The following ZNF558 variants were observed in gnomAD, a reference collection of about 807,000 sequenced individuals.
The protein encoded by ZNF558 is zinc finger protein 558.
A neutral mutation model predicts 37.6 loss-of-function variants in ZNF558; 23 were observed. The observed-to-expected ratio is 0.61, with a 90% CI of 0.44 to 0.87. The LOEUF (loss-of-function observed/expected upper bound fraction) is 0.87. Among genes scored for constraint, ZNF558 ranks in the 40% least tolerant of loss-of-function variants. ZNF558 has a pLI of 0.00. For missense variants in ZNF558, 429 were observed against 483.7 expected, an observed-to-expected ratio of 0.89 and a Z score of 1.06; for synonymous variants, 189 against 174.4, an observed-to-expected ratio of 1.08 and a Z score of -0.66.
intron 7 of ZNF558, among the ~76,000 whole-genome samples, chr19:8,815,951 G>A (rs566308335): frequency 1.3e-4 from 20 of 152,130 alleles, no homozygotes; most frequent in African/African-American, 4.8e-4. Flanking sequence ...AAGAAATAAT[G>A]GCTAAAAACT....
At chr19:8,836,889 C>T (rs1215200495), upstream of ZNF558, among the ~76,000 whole-genome samples, 1 of 152,158 alleles carries the variant, frequency 6.6e-6, no homozygotes, top group Non-Finnish European at 1.5e-5. Context: ...GGGCTCATAT[C>T]ATTATTACAT....
At chr19:8,815,029 A>C (rs1317150697) in intron 7 of ZNF558, among the ~76,000 whole-genome samples, 1 of 143,034 alleles carries the variant, frequency 7.0e-6, no homozygotes. Context: ...CTGATTCCCA[A>C]ATTGCTATAT....
Position 8,821,160 on chromosome 19 carries a change from A to G in ZNF558, c.247+20T>C. 1 of 1,610,478 alleles carries G rather than the reference A, an allele frequency of 6.2e-7. No individual in the cohort carries two copies. Among genetic ancestry groups the G allele is most frequent in the Non-Finnish European group, 8.5e-7 (1 of 1,177,466 alleles). On this transcript the variant is annotated intron_variant, in intron 7 of 9. Coordinates refer to ENST00000601372, the MANE Select transcript of ZNF558 (RefSeq NM_144693.3). ...GCCACTGGAGTCATTAAATAAATGC[A>G]GGAATGACATTAGGCTTACCTAGTG...
chr19:8,831,733 T>A (rs2044361926), intron 1 of ZNF558, among the ~76,000 whole-genome samples: 1 of 152,252 alleles, frequency 6.6e-6, no homozygotes, highest in African/African-American at 2.4e-5. Flanking sequence ...ACTGAATTTT[T>A]AACAATTTAT....
chr19:8,807,438 C>T lies in ZNF558; in HGVS notation c.*3843G>A, dbSNP rs1307591839. 6.6e-6 allele frequency: 1 copy of T among 152,246 alleles called. No individual in the cohort carries two copies. Among genetic ancestry groups the T allele is most frequent in the Non-Finnish European group, 1.5e-5 (1 of 68,122 alleles). The allele number at this position is 152,246 out of a possible 1,614,324, so 9.4% of individuals were successfully genotyped here. ...CCTGCTGGGACCCTGACTGATGTGC[C>T]AACTCACTGAAATAAGGAAAAGTCC... On this transcript the variant is annotated 3_prime_UTR_variant, in exon 10 of 10. Coordinates refer to ENST00000601372, the MANE Select transcript of ZNF558 (RefSeq NM_144693.3).
intron 4 of ZNF558, among the ~76,000 whole-genome samples, chr19:8,823,077 A>G (rs181957818): frequency 6.6e-6 from 1 of 151,788 alleles, no homozygotes; most frequent in African/African-American, 2.4e-5. Flanking sequence ...TCCCACCTCC[A>G]GTCCCAGCTC....
chr19:8,823,959 A>G, intron 4 of ZNF558, 123 bp downstream of exon 4: 1 of 152,314 alleles, frequency 6.6e-6, no homozygotes, highest in Admixed American at 6.6e-5. Flanking sequence ...CCTCTCTTTA[A>G]ACTTCACACC....
At chr19:8,829,285 A>C (rs1445274150) in intron 2 of ZNF558, among the ~76,000 whole-genome samples, 2 of 151,784 alleles carry the variant, frequency 1.3e-5, no homozygotes, top group East Asian at 3.9e-4. Context: ...CCTTGCCTAA[A>C]AGCCACTGGG....
chr19:8,817,688 A>G (rs1424077298), intron 7 of ZNF558, among the ~76,000 whole-genome samples: 1 of 152,240 alleles, frequency 6.6e-6, no homozygotes. Flanking sequence ...AATATGGCCA[A>G]TAGTGAAAGA....
intron 7 of ZNF558, among the ~76,000 whole-genome samples, chr19:8,818,096 C>T (rs182208769): frequency 8.7e-4 from 132 of 152,244 alleles, no homozygotes; most frequent in African/African-American, 3.2e-3. Flanking sequence ...AAAAGTCTGA[C>T]TAAATTAAAA....
In ZNF558 at chr19:8,806,465, G is replaced by C. The variant is rs953325827; in HGVS notation, c.*4816C>G. 2 of 152,162 alleles carry C rather than the reference G, an allele frequency of 1.3e-5. No individual in the cohort carries two copies. Among genetic ancestry groups the C allele is most frequent in the Non-Finnish European group, 2.9e-5 (2 of 68,048 alleles). The allele number at this position is 152,162 out of a possible 1,614,324, so 9.4% of individuals were successfully genotyped here. ...TGTAATCCCAGCACTTTGGGAGACC[G>C]AGGTGGGCAAATCATGTGAGGTCAA... On this transcript the variant is annotated 3_prime_UTR_variant, in exon 10 of 10. Coordinates refer to ENST00000601372, the MANE Select transcript of ZNF558 (RefSeq NM_144693.3).
rs34246032 is a variant in ZNF558 at position 8,806,697 on chromosome 19, C to CAA, written c.*4582_*4583dup. On this transcript the variant is annotated 3_prime_UTR_variant, in exon 10 of 10. Transcript: ENST00000601372. ...ATGGCGACAGAGTGAGACTCCATCT[C>CAA]AAAAAAAAAAAAAAAAATATTCCCT... 7,277 of 133,650 alleles carry CAA rather than the reference C, an allele frequency of 0.054. 509 individuals are homozygous for CAA. The highest frequency in any genetic ancestry group is 0.16 in the African/African-American group (5,713 of 35,298). 8.3% of individuals were successfully genotyped at this position (133,650 alleles called of 1,614,324 possible). A position where few individuals can be genotyped will look rare whatever the true frequency, so the allele number is the denominator to read the frequency against.
chr19:8,824,510 T>C (rs978265079), intron 3 of ZNF558, 93 bp from the exon 4 acceptor site: 1 of 152,096 alleles, frequency 6.6e-6, no homozygotes, highest in African/African-American at 2.4e-5. Context: ...AGATGACAAA[T>C]CATCTCATTT....
chr19:8,820,471 A>T (rs1172355454), intron 7 of ZNF558, among the ~76,000 whole-genome samples: 1 of 152,148 alleles, frequency 6.6e-6, no homozygotes, highest in African/African-American at 2.4e-5. Flanking sequence ...AACATACAAC[A>T]TAGCTAAGTT....
At chr19:8,823,438 A>ACCCCACTCCTGCCTCGGTCC (rs1260183674) in intron 4 of ZNF558, among the ~76,000 whole-genome samples, 6 of 31,208 alleles carry the variant, frequency 1.9e-4, no homozygotes, top group African/African-American at 2.5e-4. Context: ...TGCCTCGGTC[A>ACCCCACTCCTGCCTCGGTCC]CCCCCCTCCT....
At chr19:8,826,712 A>G (rs948884784) in intron 2 of ZNF558, among the ~76,000 whole-genome samples, 4 of 152,168 alleles carry the variant, frequency 2.6e-5, no homozygotes, top group African/African-American at 9.7e-5. Flanking sequence ...CCTGCTCTAG[A>G]GGGAATGCAG....
Position 8,822,199 on chromosome 19 carries a change from A to G in ZNF558, c.32-108T>C. On this transcript the variant is annotated intron_variant, in intron 5 of 9. Coordinates refer to ENST00000601372, the MANE Select transcript of ZNF558 (RefSeq NM_144693.3). The surrounding 1 kb of genome is among the most constrained non-coding windows in gnomAD (Gnocchi z 4.4). ...CACACCCACACGGATGAGGCACCAC[A>G]CAGTGCCCACCTACGCTCCATGCAA... 1 of 1,333,022 alleles carries G rather than the reference A, an allele frequency of 7.5e-7. No homozygotes were observed. The highest frequency in any genetic ancestry group is 1.3e-5 in the South Asian group (1 of 76,510). The allele number at this position is 1,333,022 out of a possible 1,614,324, so 82.6% of individuals were successfully genotyped here.
At chr19:8,829,195 G>C (rs1291625384) in intron 2 of ZNF558, among the ~76,000 whole-genome samples, 1 of 151,556 alleles carries the variant, frequency 6.6e-6, no homozygotes, top group Non-Finnish European at 1.5e-5. Context: ...GGAGGCCGGG[G>C]GTTGCAGTGA....
intron 7 of ZNF558, among the ~76,000 whole-genome samples, chr19:8,817,022 A>T (rs2145217786): frequency 1.3e-5 from 2 of 152,336 alleles, no homozygotes; most frequent in East Asian, 3.9e-4. Flanking sequence ...ATAACTAAAA[A>T]GATTAAAAAG....
Sources: allele counts gnomAD v4.1 joint callset (sites outside exome capture counted in the v4.1 genomes callset), GRCh38; gene constraint gnomAD v4.1.1; non-coding constraint Gnocchi (gnomAD v3.1); transcripts MANE v1.5; gene names NCBI Gene and HGNC (gene_info 2026-07-23, HGNC 2026-07-21).